The following RIMS2 variants were observed in gnomAD, a reference collection of about 807,000 sequenced individuals.
RIMS2 encodes the protein regulating synaptic membrane exocytosis 2, also known as regulating synaptic membrane exocytosis protein 2.
In RIMS2, 59 loss-of-function variants were observed where a neutral mutation model predicts 174.4. The observed-to-expected ratio is 0.34, with a 90% CI of 0.27 to 0.42. The LOEUF (loss-of-function observed/expected upper bound fraction) is 0.42. Ranked by LOEUF, RIMS2 falls within the 10% of genes least tolerant of loss-of-function variation. The pLI, the probability that RIMS2 is intolerant of heterozygous loss-of-function variation, is 1.00. For synonymous variants in RIMS2, 606 were observed against 572.5 expected (o/e 1.06, Z -0.84); for missense variants, 1,620 against 1,666.3 (o/e 0.97, Z 0.48).
intron 3 of RIMS2, among the ~76,000 whole-genome samples, chr8:103,821,783 G>A (rs919850920): frequency 1.5e-4 from 22 of 151,526 alleles, no homozygotes; most frequent in African/African-American, 5.1e-4. Flanking sequence ...GGAAAGTAAA[G>A]ACTTTCCACT....
intron 19 of RIMS2, among the ~76,000 whole-genome samples, chr8:104,205,739 G>A (rs1332616088): frequency 6.6e-6 from 1 of 151,540 alleles, no homozygotes; most frequent in East Asian, 1.9e-4. Flanking sequence ...TCATCATCGA[G>A]AACTGCTTAT....
chr8:103,609,668 G>A (rs2095297453), intron 1 of RIMS2, among the ~76,000 whole-genome samples: 1 of 152,072 alleles, frequency 6.6e-6, no homozygotes, highest in African/African-American at 2.4e-5. Context: ...TTGTAGGTGT[G>A]TGGCATTATC....
intron 3 of RIMS2, among the ~76,000 whole-genome samples, chr8:103,766,931 A>G (rs1487281989): frequency 6.6e-6 from 1 of 152,170 alleles, no homozygotes; most frequent in African/African-American, 2.4e-5. Flanking sequence ...GAAGGTTAAC[A>G]ATATCTCCAA....
At chr8:103,816,716 G>T (rs978268688) in intron 3 of RIMS2, among the ~76,000 whole-genome samples, 1 of 152,108 alleles carries the variant, frequency 6.6e-6, no homozygotes, top group African/African-American at 2.4e-5. Flanking sequence ...GAAGAAAGCT[G>T]CTCACTAGCA....
At chr8:104,225,303 C>T (rs1240129953) in intron 19 of RIMS2, among the ~76,000 whole-genome samples, 11 of 152,090 alleles carry the variant, frequency 7.2e-5, no homozygotes, top group Admixed American at 1.3e-4. Flanking sequence ...CGTTTGAACC[C>T]AGGCATTCAG....
At chr8:104,050,694 A>G (rs1232981171) in intron 19 of RIMS2, among the ~76,000 whole-genome samples, 1 of 152,216 alleles carries the variant, frequency 6.6e-6, no homozygotes, top group Non-Finnish European at 1.5e-5. Context: ...TTACAGGAAG[A>G]TGAATAAGTA....
rs543604512 is a variant in RIMS2 at position 104,049,146 on chromosome 8, C to T, written c.3334+34531C>T. Among the ~76,000 whole-genome samples, 285 of 149,696 alleles carry T rather than the reference C, an allele frequency of 1.9e-3. 1 individual carries two copies. Among genetic ancestry groups the T allele is most frequent in the African/African-American group, 6.6e-3 (268 of 40,898 alleles). On this transcript the variant is annotated intron_variant, in intron 19 of 23. Transcript: ENST00000504942. Reference sequence around the variant, plus strand: ...TTCTTTAAAAAAAAAAAAAAAAGGCCGGGCGGTGGCTCACGCCTGTATTCC... The same window carrying T: ...TTCTTTAAAAAAAAAAAAAAAAGGCTGGGCGGTGGCTCACGCCTGTATTCC...
At chr8:103,806,654 T>C (rs1424826068) in intron 3 of RIMS2, among the ~76,000 whole-genome samples, 1 of 151,814 alleles carries the variant, frequency 6.6e-6, no homozygotes, top group Non-Finnish European at 1.5e-5. Flanking sequence ...TGGTGGAGAA[T>C]GGTTTGTAGA....
exon 3 of RIMS2, chr8:103,766,271 C>T: frequency 5.6e-6 from 9 of 1,613,468 alleles, no homozygotes; most frequent in Non-Finnish European, 7.6e-6. Flanking sequence ...AAGAAATCCT[C>T]ACTAAATCAG....
At chr8:104,014,295 A>C (rs933780207) in intron 18 of RIMS2, among the ~76,000 whole-genome samples, 21 of 152,130 alleles carry the variant, frequency 1.4e-4, no homozygotes, top group Non-Finnish European at 2.9e-4. Flanking sequence ...GTGTGCATGT[A>C]TGTGTATGTA....
chr8:103,536,927 T>C (rs918647304), intron 1 of RIMS2, among the ~76,000 whole-genome samples: 36 of 152,204 alleles, frequency 2.4e-4, no homozygotes, highest in Admixed American at 2.0e-4. Context: ...AAAGGAAAAC[T>C]GCAACACTTG....
chr8:104,145,987 T>C (rs1398163945), intron 19 of RIMS2, among the ~76,000 whole-genome samples: 1 of 151,976 alleles, frequency 6.6e-6, no homozygotes, highest in African/African-American at 2.4e-5. Flanking sequence ...CACACCACTC[T>C]AGTGCTACTA....
At chr8:103,612,825 C>T (rs973130803) in intron 1 of RIMS2, among the ~76,000 whole-genome samples, 3 of 152,154 alleles carry the variant, frequency 2.0e-5, no homozygotes, top group African/African-American at 7.2e-5. Context: ...CTGCCTCAGC[C>T]TCCAAAGTGC....
At chr8:103,633,336 C>G (rs2095992333) in intron 1 of RIMS2, among the ~76,000 whole-genome samples, 1 of 151,986 alleles carries the variant, frequency 6.6e-6, no homozygotes, top group Admixed American at 6.6e-5. Flanking sequence ...TGTGAGCCAC[C>G]ATGCCCATCC....
intron 1 of RIMS2, among the ~76,000 whole-genome samples, chr8:103,608,400 TCAGA>T (rs2095228734): frequency 6.9e-6 from 1 of 144,216 alleles, no homozygotes; most frequent in Admixed American, 6.7e-5. Context: ...TTCAAAGCTG[TCAGA>T]CAGGGACATT....
chr8:104,163,479 G>A (rs543540370), intron 19 of RIMS2, among the ~76,000 whole-genome samples: 2 of 152,084 alleles, frequency 1.3e-5, no homozygotes, highest in Non-Finnish European at 2.9e-5. Flanking sequence ...AATGATATAC[G>A]AGTTTATTGC....
intron 3 of RIMS2, among the ~76,000 whole-genome samples, chr8:103,833,608 T>C (rs2154480722): frequency 6.6e-6 from 1 of 152,230 alleles, no homozygotes; most frequent in South Asian, 2.1e-4. Flanking sequence ...ATTGATTTTA[T>C]TTCTTTCAGA....
At chr8:103,807,403 C>T (rs1399647534) in intron 3 of RIMS2, among the ~76,000 whole-genome samples, 9 of 152,038 alleles carry the variant, frequency 5.9e-5, no homozygotes, top group Non-Finnish European at 1.2e-4. Flanking sequence ...CTCAATAGAA[C>T]ATTAGTGCTA....
chr8:103,571,012 C>A (rs2132341924), intron 1 of RIMS2, among the ~76,000 whole-genome samples: 1 of 152,190 alleles, frequency 6.6e-6, no homozygotes, highest in Admixed American at 6.5e-5. Flanking sequence ...TCCTAATGAT[C>A]AATTGGTCTA....
Sources: gnomAD v4.1 joint callset for allele counts (sites outside exome capture counted in the v4.1 genomes callset) on GRCh38, gnomAD v4.1.1 for gene constraint, MANE v1.5 for transcripts, NCBI Gene and HGNC (gene_info 2026-07-23, HGNC 2026-07-21) for gene names.